KIAA1217: variants seen among roughly 807,000 people sequenced by gnomAD.
KIAA1217 encodes sickle tail protein homolog.
Under a neutral mutation model 163.9 loss-of-function variants are expected in KIAA1217, and 88 were observed. That is an observed-to-expected ratio of 0.54 (90% CI 0.45 to 0.64). The LOEUF (loss-of-function observed/expected upper bound fraction) is 0.64. Ranked by LOEUF, KIAA1217 falls within the 30% of genes least tolerant of loss-of-function variation. KIAA1217 has a pLI of 0.00. For missense variants in KIAA1217, 2,372 were observed against 2,475.0 expected, an observed-to-expected ratio of 0.96 and a Z score of 0.88; for synonymous variants, 903 against 923.1, an observed-to-expected ratio of 0.98 and a Z score of 0.39.
chr10:24,472,571 G>A (rs1184334363), intron 5 of KIAA1217, among the ~76,000 whole-genome samples: 1 of 152,134 alleles, frequency 6.6e-6, no homozygotes, highest in Non-Finnish European at 1.5e-5. Context: ...CATTTATTAA[G>A]CAGCATCTCT....
chr10:24,414,657 G>T (rs1413539305), intron 3 of KIAA1217, among the ~76,000 whole-genome samples: 1 of 152,294 alleles, frequency 6.6e-6, no homozygotes, highest in Admixed American at 6.5e-5. Flanking sequence ...AGGTGGTGAT[G>T]GGAAGATCTG....
intron 2 of KIAA1217, among the ~76,000 whole-genome samples, chr10:24,367,641 C>G (rs1177053230): frequency 6.6e-6 from 1 of 152,220 alleles, no homozygotes; most frequent in African/African-American, 2.4e-5. Flanking sequence ...TGTCATTCTG[C>G]TTTGCTCAGT....
chr10:24,031,045 C>T (rs1848167594), intron 2 of KIAA1217, among the ~76,000 whole-genome samples: 1 of 152,142 alleles, frequency 6.6e-6, no homozygotes, highest in African/African-American at 2.4e-5. Context: ...TATATCCCGA[C>T]AAATGGAATT....
intron 1 of KIAA1217, among the ~76,000 whole-genome samples, chr10:23,726,773 T>C (rs371859239): frequency 1.2e-4 from 18 of 152,218 alleles, no homozygotes; most frequent in African/African-American, 4.3e-4. Flanking sequence ...AGAAGACATT[T>C]ATGCAGCCAA....
intron 16 of KIAA1217, 94 bp from the exon 17 acceptor site, chr10:24,536,680 G>A: frequency 7.5e-7 from 1 of 1,327,706 alleles, no homozygotes; most frequent in Non-Finnish European, 1.1e-6. Flanking sequence ...GACCCGGGTT[G>A]GGGTCCACAA....
chr10:24,144,666 A>G (rs142569514), intron 2 of KIAA1217, among the ~76,000 whole-genome samples: 1 of 152,358 alleles, frequency 6.6e-6, no homozygotes, highest in African/African-American at 2.4e-5. Flanking sequence ...ATACGTGTCT[A>G]AAACATGCCT....
At chr10:23,861,935 T>C (rs1378249498) in intron 1 of KIAA1217, among the ~76,000 whole-genome samples, 3 of 152,242 alleles carry the variant, frequency 2.0e-5, no homozygotes, top group African/African-American at 7.2e-5. Context: ...ATTGTGTTTT[T>C]TAAAGCTGCT....
At chr10:24,062,578 G>C (rs1445784073) in intron 2 of KIAA1217, among the ~76,000 whole-genome samples, 1 of 151,000 alleles carries the variant, frequency 6.6e-6, no homozygotes, top group Non-Finnish European at 1.5e-5. Context: ...TTGCTATTGT[G>C]AATAGTGCCG....
rs562891543 is a variant in KIAA1217, at chr10:23,998,504, G to T, written c.-320-8721G>T. 4.6e-5 allele frequency among the ~76,000 whole-genome samples: 7 copies of T among 152,294 alleles called. No individual in the cohort carries two copies. In the South Asian group the frequency reaches 1.4e-3, roughly 32 times the overall value. ...GGAGAGCAAGCATTGCCCGACCTGG[G>T]GTGATTCCCCAATCTGCAGACAAGG... On this transcript the variant is annotated intron_variant, in intron 1 of 18. Coordinates refer to the KIAA1217 transcript ENST00000376462.
chr10:23,954,662 G>A (rs942778279), intron 1 of KIAA1217, among the ~76,000 whole-genome samples: 1 of 151,500 alleles, frequency 6.6e-6, no homozygotes, highest in Non-Finnish European at 1.5e-5. Flanking sequence ...AGGAAAGAAG[G>A]AAGAAAAAAA....
At chr10:24,020,974 T>C (rs1483546308) in intron 2 of KIAA1217, among the ~76,000 whole-genome samples, 1 of 151,988 alleles carries the variant, frequency 6.6e-6, no homozygotes, top group African/African-American at 2.4e-5. Context: ...CTGCAACCTA[T>C]ACTCAGAAAA....
chr10:24,495,047 C>G (rs2066615260), intron 7 of KIAA1217, 100 bp from the exon 8 acceptor site: 1 of 961,016 alleles, frequency 1.0e-6, no homozygotes, highest in Non-Finnish European at 1.6e-6. Context: ...TTAATCCCAT[C>G]ACTGCCAATT....
intron 1 of KIAA1217, among the ~76,000 whole-genome samples, chr10:23,838,260 G>T (rs2131059248): frequency 6.6e-6 from 1 of 152,184 alleles, no homozygotes; most frequent in Middle Eastern, 3.4e-3. Context: ...TAAGACTTTG[G>T]AAAAATGACA....
chr10:24,207,282 TCACA>T (rs71397934), upstream of KIAA1217, among the ~76,000 whole-genome samples: 6,965 of 140,084 alleles, frequency 0.05, 523 homozygotes, highest in African/African-American at 0.18. Flanking sequence ...TCTCTCTCTC[TCACA>T]CACACACACA....
chr10:23,763,748 C>A (rs1337441212), intron 1 of KIAA1217, among the ~76,000 whole-genome samples: 1 of 152,094 alleles, frequency 6.6e-6, no homozygotes, highest in Non-Finnish European at 1.5e-5. Flanking sequence ...TGCACATACA[C>A]AAAGTCATAT....
chr10:23,940,479 A>AG (rs1843721425), intron 1 of KIAA1217, among the ~76,000 whole-genome samples: 1 of 150,768 alleles, frequency 6.6e-6, no homozygotes, highest in South Asian at 2.1e-4. Flanking sequence ...AAAAAAAAAA[A>AG]AAAAAGAAAA....
At chr10:23,965,797 G>T (rs915323565) in intron 1 of KIAA1217, among the ~76,000 whole-genome samples, 1 of 152,138 alleles carries the variant, frequency 6.6e-6, no homozygotes, top group Non-Finnish European at 1.5e-5. Context: ...TTGAGGCTAA[G>T]GATACTGGGG....
chr10:24,197,796 A>T (rs1165103959), intron 2 of KIAA1217, among the ~76,000 whole-genome samples: 3 of 152,228 alleles, frequency 2.0e-5, no homozygotes, highest in Non-Finnish European at 4.4e-5. Context: ...TCTCAAACAC[A>T]AATCTGATCA....
At chr10:24,311,480 A>G (rs550347493) in intron 2 of KIAA1217, among the ~76,000 whole-genome samples, 12 of 152,332 alleles carry the variant, frequency 7.9e-5, no homozygotes, top group African/African-American at 2.9e-4. Flanking sequence ...AATATTTGCT[A>G]GGGATATGGT....
Sources: allele counts gnomAD v4.1 joint callset (sites outside exome capture counted in the v4.1 genomes callset), GRCh38; gene constraint gnomAD v4.1.1; transcripts MANE v1.5; gene names NCBI Gene and HGNC (gene_info 2026-07-23, HGNC 2026-07-21).